SYT12: variants seen among roughly 807,000 people sequenced by gnomAD.
SYT12 encodes the protein synaptotagmin-12.
A neutral mutation model predicts 39.5 loss-of-function variants in SYT12; 27 were observed. The observed-to-expected ratio is 0.68, with a 90% CI of 0.50 to 0.94. The LOEUF is 0.94. SYT12 is among the 40% of genes least tolerant of loss of function. The pLI is 0.00. For missense variants in SYT12, 536 were observed against 572.6 expected (o/e 0.94, Z 0.65); for synonymous variants, 233 against 239.7 (o/e 0.97, Z 0.26).
At chr11:67,022,457 C>T (rs923276444), upstream of SYT12, among the ~76,000 whole-genome samples, 9 of 152,228 alleles carry the variant, frequency 5.9e-5, no homozygotes, top group Non-Finnish European at 1.3e-4. Context: ...GCAAGCCGTG[C>T]CTCACTGCCA....
At chr11:67,033,098 G>C (rs1296283869) in intron 2 of SYT12, among the ~76,000 whole-genome samples, 1 of 152,056 alleles carries the variant, frequency 6.6e-6, no homozygotes, top group East Asian at 1.9e-4. Context: ...GTGTGGCCGG[G>C]CTTCAGGGCA....
intron 3 of SYT12, among the ~76,000 whole-genome samples, chr11:67,036,092 A>AT (rs1234160266): frequency 2.0e-5 from 3 of 148,886 alleles, no homozygotes; most frequent in Non-Finnish European, 3.0e-5. Flanking sequence ...TTTTTTTTTT[A>AT]TTTTTTGTAG....
chr11:67,045,996 A>G (rs1257503456), intron 7 of SYT12, 119 bp downstream of exon 7: 4 of 1,354,198 alleles, frequency 3.0e-6, no homozygotes, highest in Admixed American at 2.3e-5. Context: ...TCCAGCCATC[A>G]CTTTCTAGCA....
intron 3 of SYT12, among the ~76,000 whole-genome samples, chr11:67,038,415 C>G (rs1274635846): frequency 6.6e-6 from 1 of 151,842 alleles, no homozygotes; most frequent in African/African-American, 2.4e-5. Flanking sequence ...TCCGCCACCT[C>G]AGCCTCCCAA....
At chr11:67,016,230 G>A (rs185972521) in intron 3 of SYT12, among the ~76,000 whole-genome samples, 4 of 152,272 alleles carry the variant, frequency 2.6e-5, no homozygotes, top group South Asian at 2.1e-4. Flanking sequence ...GCAGTGAGCC[G>A]AGATCGCACC....
chr11:67,021,601 T>G (rs1439535596), upstream of SYT12, among the ~76,000 whole-genome samples: 1 of 152,174 alleles, frequency 6.6e-6, no homozygotes, highest in Non-Finnish European at 1.5e-5. Context: ...CTTTTGTTGC[T>G]TGGGTAGAAT....
chr11:67,019,934 G>A (rs938844758), upstream of SYT12, among the ~76,000 whole-genome samples: 3 of 151,280 alleles, frequency 2.0e-5, no homozygotes, highest in African/African-American at 4.9e-5. Flanking sequence ...GCTTGCTGGA[G>A]CACTAGTCTT....
At chr11:67,039,756 G>C in intron 3 of SYT12, 55 bp from the exon 4 acceptor site, 2 of 1,547,172 alleles carry the variant, frequency 1.3e-6, no homozygotes, top group Non-Finnish European at 1.7e-6. Context: ...CCGTCTCCCA[G>C]TGACCTTGCC....
At chr11:67,022,564 A>C (rs543029926), upstream of SYT12, among the ~76,000 whole-genome samples, 1 of 152,346 alleles carries the variant, frequency 6.6e-6, no homozygotes, top group South Asian at 2.1e-4. Context: ...GGCGTCATAA[A>C]TATCTCCTGA....
chr11:67,013,723 T>G (rs1950031932), intron 3 of SYT12, among the ~76,000 whole-genome samples: 1 of 152,266 alleles, frequency 6.6e-6, no homozygotes, highest in Non-Finnish European at 1.5e-5. Context: ...TCCACTCAGC[T>G]GCAGTCTGCT....
chr11:67,010,139 A>G (rs1950002195), intron 2 of SYT12: 1 of 152,324 alleles, frequency 6.6e-6, no homozygotes. Context: ...AAACACTGAA[A>G]CCATCTGACC....
intron 3 of SYT12, among the ~76,000 whole-genome samples, chr11:67,012,798 G>T (rs981202152): frequency 6.6e-6 from 1 of 152,156 alleles, no homozygotes; most frequent in Non-Finnish European, 1.5e-5. Flanking sequence ...GAGAAGGTAA[G>T]AAACTAATCC....
chr11:67,033,356 C>A (rs1950305557), intron 2 of SYT12, among the ~76,000 whole-genome samples: 3 of 152,182 alleles, frequency 2.0e-5, no homozygotes, highest in Admixed American at 2.0e-4. Context: ...CCCCACCCCA[C>A]CCCCTAGACT....
intron 2 of SYT12, among the ~76,000 whole-genome samples, chr11:67,033,495 G>A (rs978911178): frequency 1.3e-5 from 2 of 152,208 alleles, no homozygotes; most frequent in African/African-American, 4.8e-5. Context: ...GCCCTGAGGT[G>A]CTCTTCGCAC....
chr11:67,007,672 C>G (rs1949982035), intron 1 of SYT12, among the ~76,000 whole-genome samples: 1 of 152,112 alleles, frequency 6.6e-6, no homozygotes, highest in South Asian at 2.1e-4. Context: ...TCAAGCGATT[C>G]TCCTGCCTCA....
intron 3 of SYT12, among the ~76,000 whole-genome samples, chr11:67,035,847 T>A (rs1215403637): frequency 8.4e-6 from 1 of 118,478 alleles, no homozygotes; most frequent in East Asian, 2.4e-4. Flanking sequence ...CCTTTCTTTC[T>A]TTCTTTCTTT....
At chr11:67,045,331 G>C (rs192122969) in intron 6 of SYT12, among the ~76,000 whole-genome samples, 1 of 152,134 alleles carries the variant, frequency 6.6e-6, no homozygotes, top group African/African-American at 2.4e-5. Context: ...AGGACACCCC[G>C]TGGGCAATAG....
Position 67,014,018 on chromosome 11 carries a change from G to A in SYT12, c.-69+3024G>A, listed in dbSNP as rs150817888. 8.3e-3 allele frequency among the ~76,000 whole-genome samples: 1,271 copies of A among 152,218 alleles called. 14 individuals carry two copies. The highest frequency in any genetic ancestry group is 0.014 in the Middle Eastern group (4 of 294). On this transcript the variant is annotated intron_variant, in intron 3 of 10. Coordinates refer to the SYT12 transcript ENST00000393946. ...CTCCAGCCCCTGCCTCCGTCTCCAC[G>A]TGGCCTTCTTCTCTCTGTGCCTTCA...
intron 2 of SYT12, among the ~76,000 whole-genome samples, chr11:67,034,124 T>C (rs1264238495): frequency 6.6e-6 from 1 of 152,206 alleles, no homozygotes; most frequent in African/African-American, 2.4e-5. Context: ...TTTTAGTATA[T>C]TGTGCAACCA....
Sources: gnomAD v4.1 joint callset for allele counts (sites outside exome capture counted in the v4.1 genomes callset) on GRCh38, gnomAD v4.1.1 for gene constraint, MANE v1.5 for transcripts, NCBI Gene and HGNC (gene_info 2026-07-23, HGNC 2026-07-21) for gene names.